Variants in ANK3 observed in about 807,000 individuals in gnomAD.
ANK3 encodes the protein ankyrin 3.
A neutral mutation model predicts 370.9 loss-of-function variants in ANK3; 57 were observed. The observed-to-expected ratio is 0.15, with a 90% CI of 0.12 to 0.19. The LOEUF (loss-of-function observed/expected upper bound fraction) is 0.19. Among genes scored for constraint, ANK3 ranks in the 10% least tolerant of loss-of-function variants. The pLI is 1.00. For synonymous variants in ANK3, 1,929 were observed against 1,946.3 expected, an observed-to-expected ratio of 0.99 and a Z score of 0.23; for missense variants, 4,439 against 5,302.1, an observed-to-expected ratio of 0.84 and a Z score of 5.06.
Position 60,069,176 on chromosome 10 carries a change from G to A in ANK3, c.11705C>T (p.Thr3902Ile). 1 of 1,614,172 alleles carries A rather than the reference G, an allele frequency of 6.2e-7. No homozygotes were observed. Among genetic ancestry groups the A allele is most frequent in the Non-Finnish European group, 8.5e-7 (1 of 1,180,014 alleles). ...VSQSEKTKAL[T>I]TSSCVDVKSR... ...CTTTACATCTACACATGAAGAAGTA[G>A]TAAGGGCTTTGGTTTTCTCGGATTG... Residue 3902 changes from threonine to isoleucine, a missense_variant, in exon 37 of 44, where the codon ACT becomes ATT. Transcript: ENST00000280772.
At chr10:60,704,297 T>C (rs2079583295) in intron 1 of ANK3, among the ~76,000 whole-genome samples, 1 of 152,234 alleles carries the variant, frequency 6.6e-6, no homozygotes, top group African/African-American at 2.4e-5. Context: ...TTCACATCCA[T>C]ATCAGTTTTA....
intron 2 of ANK3, among the ~76,000 whole-genome samples, chr10:60,395,618 TTC>T (rs71015791): frequency 0.22 from 27,691 of 126,426 alleles, 3,581 homozygotes; most frequent in African/African-American, 0.26. Flanking sequence ...CTCTCTTTCG[TTC>T]TCTCTCTCTC....
intron 1 of ANK3, among the ~76,000 whole-genome samples, chr10:60,377,233 T>C (rs2060908735): frequency 6.6e-6 from 1 of 152,210 alleles, no homozygotes; most frequent in Admixed American, 6.5e-5. Context: ...GAAGCTGTGT[T>C]CCTTTCAGCA....
At chr10:60,501,705 C>CA (rs376934079) in intron 2 of ANK3, among the ~76,000 whole-genome samples, 25,494 of 79,234 alleles carry the variant, frequency 0.32, 3,199 homozygotes, top group Middle Eastern at 0.39. Context: ...GACTCTGTCT[C>CA]AAAAAAAAAA....
At chr10:60,297,907 T>C (rs1413176635) in intron 1 of ANK3, among the ~76,000 whole-genome samples, 1 of 152,186 alleles carries the variant, frequency 6.6e-6, no homozygotes, top group Non-Finnish European at 1.5e-5. Flanking sequence ...TAAAATATCC[T>C]ACTTGCCCCC....
chr10:60,270,370 A>G (rs1030542928), intron 4 of ANK3, 141 bp from the exon 5 acceptor site: 29 of 454,130 alleles, frequency 6.4e-5, no homozygotes, highest in African/African-American at 5.2e-4. Flanking sequence ...AATATTTATT[A>G]GAAAACCCAA....
chr10:60,492,951 G>T (rs1405376281), intron 2 of ANK3, among the ~76,000 whole-genome samples: 1 of 150,646 alleles, frequency 6.6e-6, no homozygotes, highest in Non-Finnish European at 1.5e-5. Context: ...GTAGTGGCAG[G>T]CACCTGTAGT....
At chr10:60,698,747 T>C (rs1393431428) in intron 1 of ANK3, among the ~76,000 whole-genome samples, 1 of 89,216 alleles carries the variant, frequency 1.1e-5, no homozygotes, top group South Asian at 4.8e-4. Flanking sequence ...CTCTGGGGAC[T>C]GTTGTGGGGT....
At chr10:60,508,305 C>G (rs1367092991) in intron 2 of ANK3, 2 of 152,518 alleles carry the variant, frequency 1.3e-5, no homozygotes, top group Admixed American at 1.3e-4. Flanking sequence ...AGAAGCTCAC[C>G]CAACAAGCTT....
intron 23 of ANK3, among the ~76,000 whole-genome samples, chr10:60,144,816 A>G (rs975071930): frequency 6.6e-6 from 1 of 152,208 alleles, no homozygotes; most frequent in Non-Finnish European, 1.5e-5. Context: ...GGTCCAGTAC[A>G]TGGTGTAATA....
rs71015783 is a variant in ANK3 at position 60,303,876 on chromosome 10, ATGTGTGTGTGTG to A, written c.115-24249_115-24238del. ...CTAATGAATAAAATGTGGTGTATAT[ATGTGTGTGTGTG>A]TGTGTGTGTGTGTGTGTGTGTATAA... On this transcript the variant is annotated intron_variant, in intron 1 of 43. Coordinates refer to ENST00000280772, the MANE Select transcript of ANK3 (RefSeq NM_020987.5). Among the ~76,000 whole-genome samples, 12 of 147,540 alleles carry A rather than the reference ATGTGTGTGTGTG, an allele frequency of 8.1e-5. No homozygotes were observed. In the East Asian group the frequency reaches 2.0e-3, roughly 25 times the overall value.
chr10:60,093,372 A>C (rs1034684681), intron 28 of ANK3, among the ~76,000 whole-genome samples: 3 of 152,202 alleles, frequency 2.0e-5, no homozygotes, highest in Non-Finnish European at 2.9e-5. Flanking sequence ...GGTGCTAGCA[A>C]TTTAAGAAGA....
intron 2 of ANK3, among the ~76,000 whole-genome samples, chr10:60,450,668 A>G (rs2064576102): frequency 6.6e-6 from 1 of 152,194 alleles, no homozygotes; most frequent in African/African-American, 2.4e-5. Flanking sequence ...GATGCCTTAG[A>G]GGATAAAACA....
intron 1 of ANK3, among the ~76,000 whole-genome samples, chr10:60,291,132 C>T (rs980572568): frequency 3.3e-5 from 5 of 151,976 alleles, no homozygotes. Flanking sequence ...ATGTCAGGTG[C>T]TGGTGGGTGG....
chr10:60,444,023 AT>A (rs1425930499), intron 2 of ANK3, among the ~76,000 whole-genome samples: 2 of 152,190 alleles, frequency 1.3e-5, no homozygotes. Flanking sequence ...GCTTATGCAG[AT>A]TTTTTTAGGA....
intron 1 of ANK3, among the ~76,000 whole-genome samples, chr10:60,333,418 T>C (rs2051904181): frequency 6.6e-6 from 1 of 152,046 alleles, no homozygotes; most frequent in South Asian, 2.1e-4. Flanking sequence ...TCTGTTCCTG[T>C]GTTAGTTTGC....
At chr10:60,150,058 C>T (rs936870062) in intron 23 of ANK3, among the ~76,000 whole-genome samples, 1 of 152,186 alleles carries the variant, frequency 6.6e-6, no homozygotes, top group Non-Finnish European at 1.5e-5. Flanking sequence ...GAAAGTTCCT[C>T]CCAGGCTTCC....
chr10:60,528,607 T>C (rs996425234), intron 2 of ANK3, among the ~76,000 whole-genome samples: 44 of 152,170 alleles, frequency 2.9e-4, no homozygotes, highest in Admixed American at 2.1e-3. Context: ...GCATTTCATA[T>C]GGTTCAACCT....
intron 1 of ANK3, among the ~76,000 whole-genome samples, chr10:60,358,118 ACAAACACACACAC>A (rs2058064904): frequency 1.3e-5 from 1 of 76,836 alleles, no homozygotes; most frequent in Non-Finnish European, 2.9e-5. Flanking sequence ...ACACACACAC[ACAAACACACACAC>A]ACACACACAC....
Sources: gnomAD v4.1 joint callset for allele counts (sites outside exome capture counted in the v4.1 genomes callset) on GRCh38, gnomAD v4.1.1 for gene constraint, MANE v1.5 for transcripts, NCBI Gene and HGNC (gene_info 2026-07-23, HGNC 2026-07-21) for gene names.